The following DPYD variants were observed in gnomAD, a reference collection of about 807,000 sequenced individuals.
DPYD encodes dihydropyrimidine dehydrogenase, also known as dihydropyrimidine dehydrogenase [NADP(+)].
In DPYD, 109 loss-of-function variants were observed where a neutral mutation model predicts 116.2. The ratio of observed to expected loss-of-function variants is 0.94; its 90% CI spans 0.80 to 1.10. The LOEUF is 1.10. Ranked by LOEUF, DPYD falls within the 50% of genes least tolerant of loss-of-function variation. The pLI, the probability that DPYD is intolerant of heterozygous loss-of-function variation, is 0.00. For synonymous variants in DPYD, 440 were observed against 432.0 expected (o/e 1.02, Z -0.23); for missense variants, 1,302 against 1,254.5 (o/e 1.04, Z -0.57).
chr1:97,121,132 T>C (rs1233201498), intron 20 of DPYD, among the ~76,000 whole-genome samples: 1 of 152,162 alleles, frequency 6.6e-6, no homozygotes. Flanking sequence ...TGAGGTCAAC[T>C]CCACACCACA....
At chr1:97,500,452 A>G (rs1034073893) in intron 13 of DPYD, among the ~76,000 whole-genome samples, 1 of 152,042 alleles carries the variant, frequency 6.6e-6, no homozygotes, top group Admixed American at 6.6e-5. Context: ...TAATGAATTC[A>G]AAGCTCTTAT....
intron 17 of DPYD, 27 bp downstream of exon 17, chr1:97,306,150 G>A: frequency 6.2e-7 from 1 of 1,611,642 alleles, no homozygotes; most frequent in Non-Finnish European, 8.5e-7. Flanking sequence ...TACAATAGCG[G>A]GCAACTGATT....
intron 14 of DPYD, among the ~76,000 whole-genome samples, chr1:97,442,943 A>T (rs1203865552): frequency 6.6e-6 from 1 of 152,242 alleles, no homozygotes; most frequent in Admixed American, 6.5e-5. Context: ...TATTCTATGC[A>T]ATCTAATTTA....
At chr1:97,208,311 G>C (rs1178674790) in intron 19 of DPYD, among the ~76,000 whole-genome samples, 1 of 133,758 alleles carries the variant, frequency 7.5e-6, no homozygotes, top group Non-Finnish European at 1.6e-5. Flanking sequence ...TTTTTGACAG[G>C]GTCTCACTCT....
intron 20 of DPYD, among the ~76,000 whole-genome samples, chr1:97,137,408 A>G (rs1157342498): frequency 6.6e-6 from 1 of 152,242 alleles, no homozygotes; most frequent in African/African-American, 2.4e-5. Context: ...TTCCAGGTTT[A>G]TCATCTCTCT....
chr1:97,805,985 C>A (rs1272105208), intron 3 of DPYD, among the ~76,000 whole-genome samples: 2 of 151,542 alleles, frequency 1.3e-5, no homozygotes, highest in Non-Finnish European at 3.0e-5. Context: ...AAAAACTGAC[C>A]AAATTCAAAT....
chr1:97,232,203 T>C (rs963653935), intron 19 of DPYD, among the ~76,000 whole-genome samples: 1 of 152,236 alleles, frequency 6.6e-6, no homozygotes, highest in Non-Finnish European at 1.5e-5. Context: ...GTTCTTGTTT[T>C]AGCATTTGAA....
intron 19 of DPYD, among the ~76,000 whole-genome samples, chr1:97,229,560 AT>A (rs1661442281): frequency 6.4e-5 from 4 of 62,986 alleles, no homozygotes; most frequent in African/African-American, 1.6e-4. Flanking sequence ...ATATATATAT[AT>A]ATATATATAT....
At chr1:97,434,776 TAC>T (rs1431497356) in intron 14 of DPYD, among the ~76,000 whole-genome samples, 2 of 152,068 alleles carry the variant, frequency 1.3e-5, no homozygotes, top group Non-Finnish European at 2.9e-5. Context: ...TTTAAGAAAA[TAC>T]AGTTTCTTAG....
At chr1:97,615,767 A>C (rs1557838854) in intron 8 of DPYD, among the ~76,000 whole-genome samples, 3 of 152,168 alleles carry the variant, frequency 2.0e-5, no homozygotes, top group Admixed American at 2.0e-4. Flanking sequence ...CTTAGCAAGG[A>C]ATATAAGGCC....
rs547401545 is a variant in DPYD, at chr1:97,447,625, G to A, written c.1905+2434C>T. On this transcript the variant is annotated intron_variant, in intron 14 of 22. Transcript: ENST00000370192. Reference sequence around the variant, plus strand: ...TTTCTCAAGAAAAAGCATTCTAAGAGAAGAAAATTATCTCCAGGGAAACTG... The same window carrying A: ...TTTCTCAAGAAAAAGCATTCTAAGAAAAGAAAATTATCTCCAGGGAAACTG... 2.0e-5 allele frequency among the ~76,000 whole-genome samples: 3 copies of A among 152,194 alleles called. No individual in the cohort carries two copies. In the East Asian group the frequency reaches 5.8e-4, roughly 29 times the overall value.
intron 14 of DPYD, among the ~76,000 whole-genome samples, chr1:97,430,489 T>C (rs2101727721): frequency 6.6e-6 from 1 of 152,208 alleles, no homozygotes; most frequent in South Asian, 2.1e-4. Context: ...CTGATTTTTA[T>C]AGATTATTTA....
intron 3 of DPYD, among the ~76,000 whole-genome samples, chr1:97,752,857 G>A (rs781114520): frequency 2.0e-4 from 31 of 152,164 alleles, no homozygotes; most frequent in Non-Finnish European, 3.7e-4. Flanking sequence ...CCTCCAGTGA[G>A]AAAATGGTTG....
chr1:97,248,124 A>G lies in DPYD; in HGVS notation c.2300-13130T>C, dbSNP rs542832687. ...GTATTAAATAAATTCAGCAATATATAAAAGGTGTAAAGCATCATGATCAAA... is the reference window on the plus strand; with the variant it reads ...GTATTAAATAAATTCAGCAATATATGAAAGGTGTAAAGCATCATGATCAAA... On this transcript the variant is annotated intron_variant, in intron 18 of 22. Coordinates refer to ENST00000370192, the MANE Select transcript of DPYD (RefSeq NM_000110.4). 7.9e-5 allele frequency among the ~76,000 whole-genome samples: 12 copies of G among 152,316 alleles called. No individual in the cohort carries two copies. The Middle Eastern group carries it at 0.014, about 173-fold the overall frequency.
intron 4 of DPYD, among the ~76,000 whole-genome samples, chr1:97,726,960 T>C (rs1012339622): frequency 1.3e-5 from 2 of 151,802 alleles, no homozygotes; most frequent in Non-Finnish European, 3.0e-5. Flanking sequence ...AATTGTCTAA[T>C]AATTCTTAAC....
At chr1:97,809,810 G>A (rs1235580850) in intron 3 of DPYD, among the ~76,000 whole-genome samples, 3 of 152,134 alleles carry the variant, frequency 2.0e-5, no homozygotes, top group Non-Finnish European at 4.4e-5. Flanking sequence ...CCTCATCTAT[G>A]TAGGTTATTG....
intron 3 of DPYD, among the ~76,000 whole-genome samples, chr1:97,772,215 C>G (rs1666180211): frequency 6.6e-6 from 1 of 152,174 alleles, no homozygotes. Flanking sequence ...TCAGCATCCT[C>G]TGTATTCAAT....
At position 97,312,059 on chromosome 1, in the gene DPYD, T is replaced by C. The variant is rs74945275; in HGVS notation, c.2059-5762A>G. On this transcript the variant is annotated intron_variant, in intron 16 of 22. Coordinates refer to ENST00000370192, the MANE Select transcript of DPYD (RefSeq NM_000110.4). Reference sequence around the variant, plus strand: ...CACATGGTGTGCACATTATGAGTTGTTAAAAAATATATATGTGTGTGTGTA... The same window carrying C: ...CACATGGTGTGCACATTATGAGTTGCTAAAAAATATATATGTGTGTGTGTA... Among the ~76,000 whole-genome samples the C allele has an allele frequency of 6.9e-3, 1,054 of 151,834 alleles. 22 individuals carry two copies. Among genetic ancestry groups the C allele is most frequent in the African/African-American group, 0.024 (992 of 41,488 alleles).
chr1:97,720,346 C>T (rs1662853385), intron 5 of DPYD: 1 of 985,302 alleles, frequency 1.0e-6, no homozygotes. Flanking sequence ...CAATGGGTCC[C>T]CAAAGAAAAG....
Sources: gnomAD v4.1 joint callset for allele counts (sites outside exome capture counted in the v4.1 genomes callset) on GRCh38, gnomAD v4.1.1 for gene constraint, MANE v1.5 for transcripts, NCBI Gene and HGNC (gene_info 2026-07-23, HGNC 2026-07-21) for gene names.